The following CRPPA variants were observed in gnomAD, a reference collection of about 807,000 sequenced individuals.
The protein encoded by CRPPA is D-ribitol-5-phosphate cytidylyltransferase.
A neutral mutation model predicts 52.0 loss-of-function variants in CRPPA; 43 were observed. That is an observed-to-expected ratio of 0.83 (90% CI 0.65 to 1.07). The LOEUF (loss-of-function observed/expected upper bound fraction) is 1.07. Ranked by LOEUF, CRPPA falls within the 50% of genes least tolerant of loss-of-function variation. The probability of loss-of-function intolerance (pLI) is 0.00; values close to 1 mark genes in which losing one functional copy is unlikely to be tolerated. For synonymous variants in CRPPA, 250 were observed against 203.5 expected, an observed-to-expected ratio of 1.23 and a Z score of -1.94; for missense variants, 629 against 551.7, an observed-to-expected ratio of 1.14 and a Z score of -1.40.
intron 3 of CRPPA, among the ~76,000 whole-genome samples, chr7:16,367,858 G>A (rs1005972965): frequency 6.6e-6 from 1 of 152,060 alleles, no homozygotes; most frequent in African/African-American, 2.4e-5. Flanking sequence ...TCCATTATAA[G>A]ATTAACACTT....
At chr7:16,353,161 G>A (rs934764056) in intron 3 of CRPPA, among the ~76,000 whole-genome samples, 4 of 151,858 alleles carry the variant, frequency 2.6e-5, no homozygotes, top group Admixed American at 1.3e-4. Context: ...TTCGAGACCA[G>A]TCTGGACAAT....
chr7:16,325,145 G>T (rs1785353013), intron 3 of CRPPA, among the ~76,000 whole-genome samples: 1 of 152,134 alleles, frequency 6.6e-6, no homozygotes, highest in Non-Finnish European at 1.5e-5. Flanking sequence ...TGAACTGGTT[G>T]GCAAAGATGA....
At chr7:16,119,921 A>C (rs1782449039) in intron 9 of CRPPA, among the ~76,000 whole-genome samples, 2 of 152,204 alleles carry the variant, frequency 1.3e-5, no homozygotes, top group South Asian at 4.1e-4. Flanking sequence ...AGGTGTTTAA[A>C]TCCTTAGAAG....
chr7:16,285,025 A>T (rs1784394885), intron 5 of CRPPA, among the ~76,000 whole-genome samples: 1 of 152,200 alleles, frequency 6.6e-6, no homozygotes, highest in South Asian at 2.1e-4. Flanking sequence ...TTTTTCATGA[A>T]GCACAAAATT....
intron 9 of CRPPA, among the ~76,000 whole-genome samples, chr7:16,125,257 C>CAAA (rs11323226): frequency 1.2e-3 from 79 of 67,704 alleles, no homozygotes; most frequent in African/African-American, 4.0e-3. Flanking sequence ...GAGACTGTCT[C>CAAA]AAAAAAAAAA....
intron 8 of CRPPA, among the ~76,000 whole-genome samples, chr7:16,216,798 G>GGA (rs1166490994): frequency 6.6e-6 from 1 of 152,210 alleles, no homozygotes; most frequent in Admixed American, 6.5e-5. Context: ...CTACGCCCAC[G>GGA]GAGTCTCACT....
intron 9 of CRPPA, among the ~76,000 whole-genome samples, chr7:16,181,856 T>A (rs553213382): frequency 2.6e-5 from 4 of 152,116 alleles, no homozygotes; most frequent in African/African-American, 7.2e-5. Context: ...TCTTCAACAA[T>A]TATAAATTGT....
chr7:16,087,862 A>G lies in CRPPA; in HGVS notation c.*3833T>C, dbSNP rs1781728860. Reference sequence around the variant, plus strand: ...AAGATGTTAGATTTATGCCTCTGTGAATTTGTAGTTTCAACATTAAAACAA... The same window carrying G: ...AAGATGTTAGATTTATGCCTCTGTGGATTTGTAGTTTCAACATTAAAACAA... On this transcript the variant is annotated 3_prime_UTR_variant, in exon 10 of 10. Coordinates refer to ENST00000407010, the MANE Select transcript of CRPPA (RefSeq NM_001101426.4). 1 of 152,172 alleles carries G rather than the reference A, an allele frequency of 6.6e-6. No homozygotes were observed. Among genetic ancestry groups the G allele is most frequent in the Non-Finnish European group, 1.5e-5 (1 of 68,006 alleles). 9.4% of individuals were successfully genotyped at this position (152,172 alleles called of 1,614,324 possible).
At chr7:16,138,729 T>A (rs1478325729) in intron 9 of CRPPA, among the ~76,000 whole-genome samples, 1 of 152,122 alleles carries the variant, frequency 6.6e-6, no homozygotes, top group Non-Finnish European at 1.5e-5. Context: ...TGGTAGAGAG[T>A]AAGAATGAGT....
At chr7:16,362,764 C>T (rs1461955103) in intron 3 of CRPPA, among the ~76,000 whole-genome samples, 1 of 152,146 alleles carries the variant, frequency 6.6e-6, no homozygotes, top group Non-Finnish European at 1.5e-5. Flanking sequence ...AATATACTTA[C>T]TAAAATCTAA....
chr7:16,294,510 T>G (rs1784631705), intron 5 of CRPPA, among the ~76,000 whole-genome samples: 1 of 151,932 alleles, frequency 6.6e-6, no homozygotes, highest in African/African-American at 2.4e-5. Flanking sequence ...AACAAACTGC[T>G]CTTAAATCCT....
At chr7:16,158,655 C>G (rs1583397313) in intron 9 of CRPPA, among the ~76,000 whole-genome samples, 1 of 152,166 alleles carries the variant, frequency 6.6e-6, no homozygotes, top group East Asian at 1.9e-4. Context: ...ATGTGACAAC[C>G]CAAAATTTTA....
intron 9 of CRPPA, among the ~76,000 whole-genome samples, chr7:16,116,720 C>T (rs887662811): frequency 4.7e-5 from 5 of 105,436 alleles, no homozygotes; most frequent in African/African-American, 6.5e-5. Flanking sequence ...GAGAGAGAAA[C>T]AAACAAACAA....
At chr7:16,399,226 C>A (rs1043225459) in intron 2 of CRPPA, among the ~76,000 whole-genome samples, 4 of 152,316 alleles carry the variant, frequency 2.6e-5, no homozygotes, top group Admixed American at 2.6e-4. Flanking sequence ...ACACTAGACA[C>A]GTGATTGACA....
At chr7:16,275,812 G>GA (rs1784190625) in intron 6 of CRPPA, among the ~76,000 whole-genome samples, 2 of 148,810 alleles carry the variant, frequency 1.3e-5, no homozygotes, top group Admixed American at 1.4e-4. Context: ...CCCTGTCTCG[G>GA]AAAAAAACAA....
At position 16,256,734 on chromosome 7, in the gene CRPPA, AG is replaced by A. The variant is rs1783651024; in HGVS notation, c.1119+1655del. 2.0e-5 allele frequency among the ~76,000 whole-genome samples: 3 copies of A among 152,004 alleles called. 1 individual carries two copies. The highest frequency in any genetic ancestry group is 4.4e-5 in the Non-Finnish European group (3 of 67,986). On this transcript the variant is annotated intron_variant, in intron 8 of 9. Transcript: ENST00000407010. ...ACAATGAGAACACATGGACACAAGGAGGGGAACATCACACACTGGGGCTTGT... is the reference window on the plus strand; with the variant it reads ...ACAATGAGAACACATGGACACAAGGAGGGAACATCACACACTGGGGCTTGT...
intron 3 of CRPPA, among the ~76,000 whole-genome samples, chr7:16,331,872 G>C (rs1451373458): frequency 6.6e-6 from 1 of 152,106 alleles, no homozygotes; most frequent in Non-Finnish European, 1.5e-5. Flanking sequence ...TAACATACAA[G>C]TATAATGGGA....
intron 9 of CRPPA, among the ~76,000 whole-genome samples, chr7:16,192,612 G>A (rs543631894): frequency 1.3e-5 from 2 of 152,136 alleles, no homozygotes; most frequent in Admixed American, 6.6e-5. Context: ...GAACTTCAAA[G>A]GAATAATACA....
Position 16,363,338 on chromosome 7 carries a change from A to C in CRPPA, c.684+12754T>G, listed in dbSNP as rs1183757898. ...TTATAAAAAGAAGAATTTCACTTAC[A>C]CAGAGGGAAAATATCCCAAATAAAA... On this transcript the variant is annotated intron_variant, in intron 3 of 9. Coordinates refer to ENST00000407010, the MANE Select transcript of CRPPA (RefSeq NM_001101426.4). Among the ~76,000 whole-genome samples, 10 of 152,230 alleles carry C rather than the reference A, an allele frequency of 6.6e-5. No homozygotes were observed. The East Asian group carries it at 1.9e-3, about 29-fold the overall frequency.
Sources: gnomAD v4.1 joint callset for allele counts (sites outside exome capture counted in the v4.1 genomes callset) on GRCh38, gnomAD v4.1.1 for gene constraint, MANE v1.5 for transcripts, NCBI Gene and HGNC (gene_info 2026-07-23, HGNC 2026-07-21) for gene names.